PTP4A3: variants seen among roughly 807,000 people sequenced by gnomAD.
PTP4A3 encodes protein tyrosine phosphatase type IVA 3.
Under a neutral mutation model 15.2 loss-of-function variants are expected in PTP4A3, and 9 were observed. The observed-to-expected ratio is 0.59, with a 90% CI of 0.36 to 1.03. The LOEUF (loss-of-function observed/expected upper bound fraction) is 1.03, where lower values mean the gene tolerates loss of function less well. Ranked by LOEUF, PTP4A3 falls within the 50% of genes least tolerant of loss-of-function variation. The pLI is 0.02. For synonymous variants in PTP4A3, 95 were observed against 102.0 expected (o/e 0.93, Z 0.41); for missense variants, 234 against 252.1 (o/e 0.93, Z 0.49).
chr8:141,414,439 G>A (rs1169011657), intron 1 of PTP4A3, among the ~76,000 whole-genome samples: 1 of 152,104 alleles, frequency 6.6e-6, no homozygotes, highest in South Asian at 2.1e-4. Context: ...CACTCACTGG[G>A]AGGCTGGAAG....
intron 2 of PTP4A3, among the ~76,000 whole-genome samples, chr8:141,424,663 C>T (rs770697202): frequency 5.3e-5 from 8 of 151,996 alleles, no homozygotes; most frequent in African/African-American, 1.2e-4. Flanking sequence ...CAGCTGGGGT[C>T]CCAGCTGCCA....
In PTP4A3 at chr8:141,422,036, C is replaced by G; in HGVS notation, c.-205C>G. On this transcript the variant is annotated 5_prime_UTR_variant, in exon 2 of 6. Transcript: ENST00000521578. ...GGGTTTTCTTTTTTAATTATCCAAA[C>G]AGTGGGCAGCTTCCTCCCCCACACC... The G allele has an allele frequency of 1.9e-6, 1 of 529,314 alleles. No homozygotes were observed. The highest frequency in any genetic ancestry group is 3.3e-6 in the Non-Finnish European group (1 of 301,602). The allele number at this position is 529,314 out of a possible 1,614,324, so 32.8% of individuals were successfully genotyped here. A position where few individuals can be genotyped will look rare whatever the true frequency, so the allele number is the denominator to read the frequency against.
intron 1 of PTP4A3, among the ~76,000 whole-genome samples, chr8:141,404,210 T>A (rs920471596): frequency 6.6e-6 from 1 of 152,280 alleles, no homozygotes; most frequent in African/African-American, 2.4e-5. Context: ...GCGATTTTTT[T>A]TTCTCGTCAG....
intron 5 of PTP4A3, among the ~76,000 whole-genome samples, chr8:141,428,452 C>T (rs994687187): frequency 3.3e-5 from 5 of 152,182 alleles, no homozygotes; most frequent in African/African-American, 1.2e-4. Context: ...ACGGATGCGG[C>T]ACCTGAAGCC....
intron 1 of PTP4A3, among the ~76,000 whole-genome samples, chr8:141,417,849 C>T (rs963562866): frequency 2.0e-5 from 3 of 151,986 alleles, no homozygotes; most frequent in African/African-American, 7.2e-5. Context: ...GGTCGCCCGC[C>T]GGTCACGCCC....
intron 1 of PTP4A3, among the ~76,000 whole-genome samples, chr8:141,416,460 A>C (rs925493730): frequency 2.6e-5 from 4 of 152,016 alleles, no homozygotes; most frequent in East Asian, 1.9e-4. Flanking sequence ...AAAGTGGCTG[A>C]GGTTGGAGAT....
At chr8:141,400,426 C>A (rs1832562606) in intron 1 of PTP4A3, among the ~76,000 whole-genome samples, 1 of 152,254 alleles carries the variant, frequency 6.6e-6, no homozygotes, top group Admixed American at 6.5e-5. Flanking sequence ...TTCACAAGAA[C>A]CGTGCCGGCC....
chr8:141,407,603 G>C (rs949232792), intron 1 of PTP4A3, among the ~76,000 whole-genome samples: 4 of 141,650 alleles, frequency 2.8e-5, no homozygotes, highest in Non-Finnish European at 4.5e-5. Flanking sequence ...GTCTCACTCT[G>C]TTGCCCAGGC....
intron 1 of PTP4A3, among the ~76,000 whole-genome samples, chr8:141,413,023 C>G (rs576129990): frequency 6.6e-6 from 1 of 152,318 alleles, no homozygotes; most frequent in Admixed American, 6.5e-5. Flanking sequence ...CAGCCTCCTC[C>G]GGCCAGCAGG....
intron 2 of PTP4A3, among the ~76,000 whole-genome samples, chr8:141,424,397 T>C (rs1416021531): frequency 6.6e-6 from 1 of 152,098 alleles, no homozygotes; most frequent in Non-Finnish European, 1.5e-5. Flanking sequence ...GGGCCCAGCT[T>C]CCTCCTGGCT....
In PTP4A3 at chr8:141,427,742, GC is replaced by G. The variant is rs1833648816; in HGVS notation, c.330-3del. ...TCCGATGACCCCCGCCCTGCTGTTT[GC>G]CCCCAGGGCTCCAGTCCTTGTGGCG... On this transcript the variant is annotated splice_polypyrimidine_tract_variant and splice_region_variant and intron_variant, in intron 4 of 5. Transcript: ENST00000521578. 6.5e-7 allele frequency: 1 copy of G among 1,549,528 alleles called. No homozygotes were observed. Among genetic ancestry groups the G allele is most frequent in the East Asian group, 2.4e-5 (1 of 40,868 alleles).
rs1417971226 is a variant in PTP4A3 at position 141,427,819 on chromosome 8, C to T, written c.399C>T (p.Ile133=). The part of the protein sequence containing the change: ...GMKYEDAIQF[I]RQKRRGAINS... The stretch of plus-strand genomic sequence containing the variant: ...AGTACGAGGACGCCATCCAGTTCAT[C>T]CGCCAGTGAGTGGCCGCGGTGGTGG... The change falls in exon 5 of 6, where the codon ATC becomes ATT. Residue 133 remains isoleucine, a synonymous_variant. Coordinates refer to ENST00000521578, the MANE Select transcript of PTP4A3 (RefSeq NM_032611.3). 3.2e-6 allele frequency: 5 copies of T among 1,550,230 alleles called. No homozygotes were observed. The highest frequency in any genetic ancestry group is 2.4e-5 in the South Asian group (2 of 84,102).
At chr8:141,426,084 G>T (rs1256232944) in intron 3 of PTP4A3, among the ~76,000 whole-genome samples, 1 of 152,208 alleles carries the variant, frequency 6.6e-6, no homozygotes, top group Admixed American at 6.5e-5. Context: ...CGTGACACCG[G>T]TTGTCTCTAG....
chr8:141,415,842 C>G (rs569069646), intron 1 of PTP4A3, among the ~76,000 whole-genome samples: 4 of 144,000 alleles, frequency 2.8e-5, no homozygotes, highest in South Asian at 2.3e-4. Context: ...TTGGAGCTGC[C>G]GAGTGCAGGG....
intron 1 of PTP4A3, among the ~76,000 whole-genome samples, chr8:141,417,006 G>A (rs754227268): frequency 7.9e-5 from 12 of 152,204 alleles, no homozygotes; most frequent in Non-Finnish European, 1.5e-4. Context: ...GAGGGCCCTG[G>A]GTGGCCAGGG....
chr8:141,399,270 T>G (rs1331628535), intron 1 of PTP4A3, among the ~76,000 whole-genome samples: 1 of 152,240 alleles, frequency 6.6e-6, no homozygotes, highest in Non-Finnish European at 1.5e-5. Context: ...CTCCTCTGGC[T>G]CGCCTGGTCC....
intron 1 of PTP4A3, among the ~76,000 whole-genome samples, chr8:141,408,674 A>G (rs1366523573): frequency 6.6e-6 from 1 of 152,124 alleles, no homozygotes; most frequent in East Asian, 1.9e-4. Context: ...TTTATCTCAA[A>G]AAATAAATTA....
intron 1 of PTP4A3, among the ~76,000 whole-genome samples, chr8:141,398,888 C>T (rs1832515188): frequency 6.6e-6 from 1 of 152,104 alleles, no homozygotes; most frequent in Admixed American, 6.5e-5. Flanking sequence ...CCCACGGCCT[C>T]GTCCTCACCC....
At chr8:141,420,463 G>A (rs1019588864) in intron 1 of PTP4A3, among the ~76,000 whole-genome samples, 2 of 152,216 alleles carry the variant, frequency 1.3e-5, no homozygotes, top group Non-Finnish European at 2.9e-5. Context: ...TTGCCTGGGA[G>A]CTTTGGGGTC....
Sources: allele counts gnomAD v4.1 joint callset (sites outside exome capture counted in the v4.1 genomes callset), GRCh38; gene constraint gnomAD v4.1.1; transcripts MANE v1.5; gene names NCBI Gene and HGNC (gene_info 2026-07-23, HGNC 2026-07-21).